Variants in HS6ST3 observed in about 807,000 individuals in gnomAD.
HS6ST3 encodes heparan sulfate 6-O-sulfotransferase 3.
In HS6ST3, 12 loss-of-function variants were observed where a neutral mutation model predicts 36.7. That is an observed-to-expected ratio of 0.33 (90% CI 0.21 to 0.53). The LOEUF (loss-of-function observed/expected upper bound fraction) is 0.53, where lower values mean the gene tolerates loss of function less well. Among genes scored for constraint, HS6ST3 ranks in the 20% least tolerant of loss-of-function variants. The pLI, the probability that HS6ST3 is intolerant of heterozygous loss-of-function variation, is 0.95. For missense variants in HS6ST3, 584 were observed against 640.9 expected (o/e 0.91, Z 0.96); for synonymous variants, 240 against 257.5 (o/e 0.93, Z 0.65).
chr13:96,448,735 G>A (rs1041178143), intron 1 of HS6ST3, among the ~76,000 whole-genome samples: 11 of 151,900 alleles, frequency 7.2e-5, no homozygotes, highest in Admixed American at 3.3e-4. Context: ...CCTACCTAAT[G>A]TCTCTCTAAC....
chr13:96,480,018 A>G (rs144396285), intron 1 of HS6ST3, among the ~76,000 whole-genome samples: 65 of 152,300 alleles, frequency 4.3e-4, no homozygotes, highest in Admixed American at 1.2e-3. Flanking sequence ...TAAGAAGTAC[A>G]GTTTTCTGTG....
At chr13:96,163,590 G>A (rs574541799) in intron 1 of HS6ST3, among the ~76,000 whole-genome samples, 59 of 152,186 alleles carry the variant, frequency 3.9e-4, no homozygotes, top group African/African-American at 1.4e-3. Context: ...GCCTGTCCAG[G>A]TGGTATGTTG....
intron 1 of HS6ST3, among the ~76,000 whole-genome samples, chr13:96,700,800 T>C (rs1875266005): frequency 6.6e-6 from 1 of 152,198 alleles, no homozygotes. Flanking sequence ...TGCAAAATTG[T>C]TTCCTTCTGG....
At chr13:96,810,642 T>G (rs149525330) in intron 1 of HS6ST3, among the ~76,000 whole-genome samples, 374 of 152,322 alleles carry the variant, frequency 2.5e-3, no homozygotes, top group African/African-American at 8.4e-3. Context: ...AAGCTTGGCT[T>G]CTGTCTAATG....
chr13:96,185,427 G>A (rs1887473), intron 1 of HS6ST3, among the ~76,000 whole-genome samples: 140,490 of 152,278 alleles, frequency 0.92, 64,931 homozygotes, highest in African/African-American at 0.94. Flanking sequence ...CATTTCCAAC[G>A]TCTAATGAGT....
rs188192130 is a variant in HS6ST3, at chr13:96,576,836, C to T, written c.708-255654C>T. Among the ~76,000 whole-genome samples the T allele has an allele frequency of 1.1e-3, 160 of 149,094 alleles. No homozygotes were observed. In the Middle Eastern group the frequency reaches 0.014, roughly 13 times the overall value. On this transcript the variant is annotated intron_variant, in intron 1 of 1. Coordinates refer to ENST00000376705, the MANE Select transcript of HS6ST3 (RefSeq NM_153456.4). ...ACATGCGCCTGTAATCCCAGCTACT[C>T]GGGAGCCTGAAGCAGGAGAATCGCT...
chr13:96,207,782 G>A (rs945138046), intron 1 of HS6ST3, among the ~76,000 whole-genome samples: 1 of 152,126 alleles, frequency 6.6e-6, no homozygotes, highest in South Asian at 2.1e-4. Context: ...TGATGAGAAT[G>A]CATGGGCACG....
intron 1 of HS6ST3, among the ~76,000 whole-genome samples, chr13:96,302,754 ATAT>A (rs1349527361): frequency 6.6e-6 from 1 of 152,166 alleles, no homozygotes; most frequent in East Asian, 1.9e-4. Context: ...ATAATATATA[ATAT>A]TGAGATATAA....
In HS6ST3 at chr13:96,513,882, T is replaced by C. The variant is rs939400737; in HGVS notation, c.708-318608T>C. Among the ~76,000 whole-genome samples the C allele has an allele frequency of 4.0e-5, 6 of 151,750 alleles. No individual in the cohort carries two copies. In the South Asian group the frequency reaches 1.2e-3, roughly 32 times the overall value. Reference sequence around the variant, plus strand: ...GCAATGAGAAGGAGACCTGTGACTATTGAAGGAAAGTTTCCAAGCAGAGAG... The same window carrying C: ...GCAATGAGAAGGAGACCTGTGACTACTGAAGGAAAGTTTCCAAGCAGAGAG... On this transcript the variant is annotated intron_variant, in intron 1 of 1. Transcript: ENST00000376705.
At chr13:96,782,128 T>C (rs569087697) in intron 1 of HS6ST3, among the ~76,000 whole-genome samples, 15 of 152,324 alleles carry the variant, frequency 9.8e-5, no homozygotes, top group African/African-American at 3.6e-4. Context: ...CTGGTGTTTT[T>C]CCAGAGTCTG....
At chr13:96,536,465 A>G (rs936954786) in intron 1 of HS6ST3, among the ~76,000 whole-genome samples, 23 of 152,234 alleles carry the variant, frequency 1.5e-4, no homozygotes, top group African/African-American at 5.5e-4. Flanking sequence ...CTCTGTGTGC[A>G]TAACACACAC....
chr13:96,795,042 T>A (rs953072122), intron 1 of HS6ST3, among the ~76,000 whole-genome samples: 3 of 152,070 alleles, frequency 2.0e-5, no homozygotes, highest in African/African-American at 4.8e-5. Flanking sequence ...AGTACCCTAC[T>A]GTCTGGTTTA....
chr13:96,450,185 A>G (rs930176549), intron 1 of HS6ST3, among the ~76,000 whole-genome samples: 2 of 152,194 alleles, frequency 1.3e-5, no homozygotes, highest in Admixed American at 1.3e-4. Context: ...AGAGATGGGT[A>G]GTTCTTATAA....
intron 1 of HS6ST3, among the ~76,000 whole-genome samples, chr13:96,565,171 C>T (rs1320193090): frequency 6.6e-6 from 1 of 152,036 alleles, no homozygotes; most frequent in East Asian, 1.9e-4. Flanking sequence ...CATTAACCCA[C>T]AGGAACCTAG....
chr13:96,603,674 T>C (rs2056429268), intron 1 of HS6ST3, among the ~76,000 whole-genome samples: 2 of 152,322 alleles, frequency 1.3e-5, no homozygotes, highest in Admixed American at 1.3e-4. Context: ...TTGGCTTGCA[T>C]GAGAAGTAAA....
chr13:96,781,242 A>G (rs1278097149), intron 1 of HS6ST3, among the ~76,000 whole-genome samples: 1 of 152,230 alleles, frequency 6.6e-6, no homozygotes, highest in Admixed American at 6.5e-5. Flanking sequence ...CCACTGGCCC[A>G]TAAAGTGCCT....
chr13:96,529,518 A>G (rs2056127462), intron 1 of HS6ST3, among the ~76,000 whole-genome samples: 3 of 152,286 alleles, frequency 2.0e-5, no homozygotes, highest in South Asian at 4.1e-4. Context: ...CCTTTTGATC[A>G]TATGCATACA....
At chr13:96,328,955 T>C (rs2055048627) in intron 1 of HS6ST3, among the ~76,000 whole-genome samples, 1 of 151,908 alleles carries the variant, frequency 6.6e-6, no homozygotes, top group African/African-American at 2.4e-5. Context: ...CTAGATTTTC[T>C]AGTTTATTTG....
intron 1 of HS6ST3, among the ~76,000 whole-genome samples, chr13:96,131,311 CTTTG>C (rs1418845307): frequency 1.3e-5 from 2 of 151,862 alleles, no homozygotes; most frequent in African/African-American, 4.8e-5. Flanking sequence ...GAATGTTTTT[CTTTG>C]TTTATTAGTC....
Sources: allele counts gnomAD v4.1 joint callset (sites outside exome capture counted in the v4.1 genomes callset), GRCh38; gene constraint gnomAD v4.1.1; transcripts MANE v1.5; gene names NCBI Gene and HGNC (gene_info 2026-07-23, HGNC 2026-07-21).